The following TENM2 variants were observed in gnomAD, a reference collection of about 807,000 sequenced individuals.
The protein encoded by TENM2 is teneurin-2.
Under a neutral mutation model 245.2 loss-of-function variants are expected in TENM2, and 52 were observed. That is an observed-to-expected ratio of 0.21 (90% CI 0.17 to 0.27). The LOEUF is 0.27. TENM2 is among the 10% of genes least tolerant of loss of function. The probability of loss-of-function intolerance (pLI) is 1.00; values close to 1 mark genes in which losing one functional copy is unlikely to be tolerated. For synonymous variants in TENM2, 1,363 were observed against 1,438.9 expected (o/e 0.95, Z 1.19); for missense variants, 3,046 against 3,666.8 (o/e 0.83, Z 4.37).
chr5:167,163,423 T>A, the TENM2 span, among the ~76,000 whole-genome samples: 1 of 152,204 alleles, frequency 6.6e-6, no homozygotes, highest in Non-Finnish European at 1.5e-5. Context: ...TGAATACACA[T>A]TCTTCTCGGA....
At chr5:168,213,594 G>T (rs942112348) in intron 20 of TENM2, among the ~76,000 whole-genome samples, 4 of 151,956 alleles carry the variant, frequency 2.6e-5, no homozygotes, top group Admixed American at 2.6e-4. Context: ...GGAAGCCAAG[G>T]CAGGAGGATC....
In TENM2 at chr5:167,719,933, A is replaced by G. The variant is rs144775420; in HGVS notation, c.503-156053A>G. On this transcript the variant is annotated intron_variant, in intron 2 of 28. Coordinates refer to ENST00000518659, the Ensembl canonical transcript of TENM2. Reference sequence around the variant, plus strand: ...TTGAGAACCCTTGCTGTAGAATGGCATATTCCAAACTGCACTCCACTGCAT... The same window carrying G: ...TTGAGAACCCTTGCTGTAGAATGGCGTATTCCAAACTGCACTCCACTGCAT... Among the ~76,000 whole-genome samples, 355 of 152,176 alleles carry G rather than the reference A, an allele frequency of 2.3e-3. 1 individual carries two copies. The highest frequency in any genetic ancestry group is 8.1e-3 in the African/African-American group (336 of 41,530).
chr5:167,028,069 C>CAAAAAAAAA, the TENM2 span, among the ~76,000 whole-genome samples: 1 of 92,706 alleles, frequency 1.1e-5, no homozygotes, highest in Non-Finnish European at 2.0e-5. Flanking sequence ...GATTCCATCT[C>CAAAAAAAAA]AAAAAAAAAA....
intron 3 of TENM2, among the ~76,000 whole-genome samples, chr5:167,932,492 A>G (rs75985246): frequency 1.3e-5 from 2 of 152,076 alleles, no homozygotes; most frequent in African/African-American, 4.8e-5. Context: ...TCCATGGTCA[A>G]CACTAATTGA....
At chr5:167,391,622 C>CA (rs56202184) in intron 2 of TENM2, among the ~76,000 whole-genome samples, 3,818 of 53,354 alleles carry the variant, frequency 0.072, 194 homozygotes, top group Non-Finnish European at 0.11. Context: ...AAGACTTCAT[C>CA]AAAAAAAAAA....
At chr5:167,701,469 C>A (rs887758553) in intron 2 of TENM2, among the ~76,000 whole-genome samples, 1 of 151,876 alleles carries the variant, frequency 6.6e-6, no homozygotes, top group African/African-American at 2.4e-5. Flanking sequence ...CTCATTCTTA[C>A]TCTGTATACC....
intron 3 of TENM2, among the ~76,000 whole-genome samples, chr5:167,929,045 AAAAGAAAGAAAGAGAG>A (rs1163179460): frequency 5.9e-4 from 78 of 131,886 alleles, no homozygotes; most frequent in African/African-American, 2.0e-3. Flanking sequence ...AAGAAAAGAA[AAAAGAAAGAAAGAGAG>A]AAAGAAAGAA....
At chr5:167,799,997 C>T (rs981016403) in intron 2 of TENM2, among the ~76,000 whole-genome samples, 1 of 152,190 alleles carries the variant, frequency 6.6e-6, no homozygotes, top group African/African-American at 2.4e-5. Context: ...GCATCCCCAA[C>T]TGACAATCAC....
At chr5:168,059,963 C>T (rs530356782) in intron 6 of TENM2, among the ~76,000 whole-genome samples, 20 of 152,300 alleles carry the variant, frequency 1.3e-4, no homozygotes, top group Non-Finnish European at 5.9e-5. Flanking sequence ...GAGCAAGATA[C>T]ATTTAGCCAG....
intron 2 of TENM2, among the ~76,000 whole-genome samples, chr5:167,628,680 C>A (rs1389864096): frequency 6.6e-6 from 1 of 152,196 alleles, no homozygotes; most frequent in African/African-American, 2.4e-5. Context: ...TGATCCAAAT[C>A]CTGCCTGTAA....
intron 4 of TENM2, among the ~76,000 whole-genome samples, chr5:167,955,519 G>A (rs1226452114): frequency 6.6e-6 from 1 of 152,068 alleles, no homozygotes; most frequent in East Asian, 1.9e-4. Flanking sequence ...TGCTTTTTGT[G>A]TTTTTGTCAT....
intron 6 of TENM2, among the ~76,000 whole-genome samples, chr5:168,053,531 C>A (rs1285260479): frequency 6.6e-6 from 1 of 152,116 alleles, no homozygotes; most frequent in African/African-American, 2.4e-5. Context: ...CAGATTCAAC[C>A]AACCTCAGAT....
intron 3 of TENM2, among the ~76,000 whole-genome samples, chr5:167,899,126 G>T (rs1010504512): frequency 6.6e-5 from 10 of 152,114 alleles, no homozygotes; most frequent in African/African-American, 2.2e-4. Flanking sequence ...TTCCATTACT[G>T]AAAGAAGAGC....
At chr5:167,071,878 G>GCCCCCCCCCCCCCCCCC in the TENM2 span, among the ~76,000 whole-genome samples, 4 of 124,110 alleles carry the variant, frequency 3.2e-5, no homozygotes, top group Admixed American at 9.2e-5. Context: ...TTGACAAATC[G>GCCCCCCCCCCCCCCCCC]CCCCCCCCCG....
chr5:167,489,077 T>A (rs1768268914), intron 2 of TENM2, among the ~76,000 whole-genome samples: 2 of 152,232 alleles, frequency 1.3e-5, no homozygotes, highest in Admixed American at 1.3e-4. Flanking sequence ...TCACTCCCCC[T>A]GGGTCATCGC....
At chr5:167,928,311 C>T (rs1339864809) in intron 3 of TENM2, among the ~76,000 whole-genome samples, 7 of 152,166 alleles carry the variant, frequency 4.6e-5, no homozygotes, top group African/African-American at 1.7e-4. Flanking sequence ...AACCCCAAGT[C>T]TTAATAGGAC....
the TENM2 span, chr5:167,164,818 C>G: frequency 6.6e-6 from 1 of 152,084 alleles, no homozygotes; most frequent in African/African-American, 2.4e-5. Context: ...ATTTGTCCAT[C>G]CATACTTTGC....
chr5:168,191,297 A>C (rs1449445519), intron 14 of TENM2, among the ~76,000 whole-genome samples: 1 of 152,240 alleles, frequency 6.6e-6, no homozygotes, highest in Non-Finnish European at 1.5e-5. Flanking sequence ...TCTTGGAGAC[A>C]CTTCCCCACC....
chr5:167,657,710 C>T (rs932337758), intron 2 of TENM2, among the ~76,000 whole-genome samples: 3 of 135,932 alleles, frequency 2.2e-5, no homozygotes, highest in Non-Finnish European at 4.4e-5. Flanking sequence ...CTACTAAACT[C>T]TCTCACTGGG....
Sources: gnomAD v4.1 joint callset for allele counts (sites outside exome capture counted in the v4.1 genomes callset) on GRCh38, gnomAD v4.1.1 for gene constraint, MANE v1.5 for transcripts, NCBI Gene and HGNC (gene_info 2026-07-23, HGNC 2026-07-21) for gene names.